NKAIN2: variants seen among roughly 807,000 people sequenced by gnomAD.
The protein encoded by NKAIN2 is sodium/potassium transporting ATPase interacting 2, also known as sodium/potassium-transporting ATPase subunit beta-1-interacting protein 2.
In NKAIN2, 14 loss-of-function variants were observed where a neutral mutation model predicts 32.6. That is an observed-to-expected ratio of 0.43 (90% CI 0.28 to 0.67). NKAIN2 has a LOEUF of 0.67. Among genes scored for constraint, NKAIN2 ranks in the 30% least tolerant of loss-of-function variants. The pLI is 0.17. For missense variants in NKAIN2, 198 were observed against 258.3 expected (o/e 0.77, Z 1.60); for synonymous variants, 80 against 87.2 (o/e 0.92, Z 0.46).
At position 124,725,996 on chromosome 6, in the gene NKAIN2, C is replaced by T. The variant is rs373439628; in HGVS notation, c.475-65343C>T. ...CTCCCACCCGAATACTGCGCTTTTC[C>T]GACGGGCTTAAAAAACGGCACACCA... On this transcript the variant is annotated intron_variant, in intron 4 of 6. Transcript: ENST00000368417. Among the ~76,000 whole-genome samples, 821 of 152,284 alleles carry T rather than the reference C, an allele frequency of 5.4e-3. 12 individuals are homozygous for T. The highest frequency in any genetic ancestry group is 0.018 in the African/African-American group (757 of 41,548).
At chr6:124,322,137 C>A (rs1797224082) in intron 2 of NKAIN2, among the ~76,000 whole-genome samples, 1 of 151,830 alleles carries the variant, frequency 6.6e-6, no homozygotes, top group South Asian at 2.1e-4. Context: ...ACTTTGTAAA[C>A]CAGATTTAGT....
chr6:124,113,113 G>A (rs1225339280), intron 1 of NKAIN2, among the ~76,000 whole-genome samples: 1 of 151,962 alleles, frequency 6.6e-6, no homozygotes, highest in Non-Finnish European at 1.5e-5. Flanking sequence ...CTGCACATTA[G>A]ACAAAGCAGA....
intron 4 of NKAIN2, among the ~76,000 whole-genome samples, chr6:124,733,630 C>G (rs1000306433): frequency 6.6e-6 from 1 of 151,666 alleles, no homozygotes; most frequent in African/African-American, 2.4e-5. Flanking sequence ...AATTTTTTCA[C>G]TGTTTTAGTG....
chr6:124,647,495 T>TC (rs1784218797), intron 3 of NKAIN2, among the ~76,000 whole-genome samples: 1 of 14,162 alleles, frequency 7.1e-5, no homozygotes, highest in Non-Finnish European at 1.9e-4. Flanking sequence ...CGAGACTCTG[T>TC]CAAAAAAAAA....
chr6:124,327,061 TA>T (rs1280420188), intron 2 of NKAIN2, among the ~76,000 whole-genome samples: 17 of 144,066 alleles, frequency 1.2e-4, no homozygotes, highest in African/African-American at 4.6e-4. Context: ...TTCCTCAGAC[TA>T]TTTTTTTTTT....
intron 3 of NKAIN2, among the ~76,000 whole-genome samples, chr6:124,496,078 T>C (rs1442959183): frequency 6.6e-6 from 1 of 152,180 alleles, no homozygotes; most frequent in Non-Finnish European, 1.5e-5. Context: ...CAATGTTCTC[T>C]GAGCATGCTA....
intron 3 of NKAIN2, among the ~76,000 whole-genome samples, chr6:124,408,869 T>A (rs1363322619): frequency 6.6e-6 from 1 of 152,220 alleles, no homozygotes; most frequent in East Asian, 1.9e-4. Flanking sequence ...CTCTTCTATT[T>A]CATTGAGCAG....
At chr6:124,500,894 A>G (rs1778265090) in intron 3 of NKAIN2, among the ~76,000 whole-genome samples, 1 of 152,160 alleles carries the variant, frequency 6.6e-6, no homozygotes, top group South Asian at 2.1e-4. Context: ...ATAAGAGCTC[A>G]TGAAAACAGA....
At chr6:124,104,328 A>G (rs1030433316) in intron 1 of NKAIN2, among the ~76,000 whole-genome samples, 14 of 152,154 alleles carry the variant, frequency 9.2e-5, no homozygotes, top group African/African-American at 3.4e-4. Context: ...ATGTTTTTAC[A>G]GAAGAGGTAT....
At chr6:124,702,622 T>C (rs1269875912) in intron 4 of NKAIN2, among the ~76,000 whole-genome samples, 1 of 152,078 alleles carries the variant, frequency 6.6e-6, no homozygotes. Context: ...CCCACTTCCA[T>C]ACTCATCACA....
At chr6:124,787,352 C>T (rs531938706) in intron 4 of NKAIN2, among the ~76,000 whole-genome samples, 4 of 151,938 alleles carry the variant, frequency 2.6e-5, no homozygotes, top group Admixed American at 6.6e-5. Context: ...AAAGAAGACC[C>T]GGGAAGTAAG....
intron 2 of NKAIN2, among the ~76,000 whole-genome samples, chr6:124,297,114 T>C (rs1180824073): frequency 6.6e-6 from 1 of 152,260 alleles, no homozygotes; most frequent in East Asian, 1.9e-4. Context: ...GTCATAAAAT[T>C]ATGAAAACTG....
intron 1 of NKAIN2, among the ~76,000 whole-genome samples, chr6:124,161,860 C>G (rs928435028): frequency 3.3e-5 from 5 of 151,966 alleles, no homozygotes; most frequent in African/African-American, 1.2e-4. Context: ...ACCTGGGTGA[C>G]GGGATCATTC....
chr6:123,892,902 T>A (rs991988876), intron 1 of NKAIN2, among the ~76,000 whole-genome samples: 4 of 151,460 alleles, frequency 2.6e-5, no homozygotes, highest in Non-Finnish European at 5.9e-5. Context: ...TGATATTGAT[T>A]GAGCTCAATC....
At chr6:124,543,853 G>A (rs1017891152) in intron 3 of NKAIN2, among the ~76,000 whole-genome samples, 9 of 152,074 alleles carry the variant, frequency 5.9e-5, no homozygotes, top group African/African-American at 2.2e-4. Context: ...TGGCCACAAT[G>A]GGCTAATATC....
chr6:124,326,491 AT>A (rs1023410605), intron 2 of NKAIN2, among the ~76,000 whole-genome samples: 2 of 151,944 alleles, frequency 1.3e-5, no homozygotes, highest in African/African-American at 4.8e-5. Flanking sequence ...GCTAAGCCCA[AT>A]TCAAAAGGTT....
intron 3 of NKAIN2, among the ~76,000 whole-genome samples, chr6:124,545,586 C>G (rs955445021): frequency 6.6e-6 from 1 of 151,648 alleles, no homozygotes; most frequent in African/African-American, 2.4e-5. Flanking sequence ...GTATCTTTTT[C>G]TCCATTTTCC....
At chr6:124,764,560 A>G (rs1273218148) in intron 4 of NKAIN2, among the ~76,000 whole-genome samples, 2 of 152,178 alleles carry the variant, frequency 1.3e-5, no homozygotes, top group Admixed American at 1.3e-4. Context: ...AGAATCCACA[A>G]CTTAGAAGGA....
At chr6:123,840,979 C>T (rs1342562528) in intron 1 of NKAIN2, among the ~76,000 whole-genome samples, 1 of 152,060 alleles carries the variant, frequency 6.6e-6, no homozygotes, top group Non-Finnish European at 1.5e-5. Context: ...TTCTATTTCA[C>T]AATTGCTTAA....
Sources: gnomAD v4.1 joint callset for allele counts (sites outside exome capture counted in the v4.1 genomes callset) on GRCh38, gnomAD v4.1.1 for gene constraint, MANE v1.5 for transcripts, NCBI Gene and HGNC (gene_info 2026-07-23, HGNC 2026-07-21) for gene names.